MORN1: variants seen among roughly 807,000 people sequenced by gnomAD.
MORN1 encodes the protein MORN repeat containing 1.
Under a neutral mutation model 61.9 loss-of-function variants are expected in MORN1, and 67 were observed. The observed-to-expected ratio is 1.08, with a 90% CI of 0.89 to 1.33. The LOEUF is 1.33. Ranked by LOEUF, MORN1 falls within the 40% of genes most tolerant of loss-of-function variation. The pLI is 0.00. For synonymous variants in MORN1, 301 were observed against 292.0 expected (o/e 1.03, Z -0.31); for missense variants, 752 against 691.2 (o/e 1.09, Z -0.99).
At position 2,324,108 on chromosome 1, in the gene MORN1, G is replaced by A. The variant is rs757464375; in HGVS notation, c.1286C>T (p.Ala429Val). Residue 429 changes from alanine (A) to valine (V), a missense_variant, in exon 13 of 14, where the codon GCA (alanine) becomes GTA (valine). By Grantham distance (64) the Ala-to-Val change is moderately conservative. Transcript: ENST00000378531. Reference protein sequence around the residue: ...EGRATEEQAAAAHLGEYVLMI... With the variant: ...EGRATEEQAAVAHLGEYVLMI... ...CCCTGTCCACCTACCTAGGTGTGCT[G>A]CCGCAGCCTGCTCCTCCGTGGCTCT... 8 of 1,600,178 alleles carry A rather than the reference G, an allele frequency of 5.0e-6. No homozygotes were observed. The highest frequency in any genetic ancestry group is 6.8e-6 in the Non-Finnish European group (8 of 1,174,934).
chr1:2,382,064 G>A (rs1368336542), intron 6 of MORN1, among the ~76,000 whole-genome samples: 4 of 152,182 alleles, frequency 2.6e-5, no homozygotes, highest in Non-Finnish European at 4.4e-5. Flanking sequence ...AGTAGCCAGG[G>A]GACCTGTGGG....
chr1:2,322,249 C>T, intron 13 of MORN1: 2 of 985,438 alleles, frequency 2.0e-6, no homozygotes, highest in Non-Finnish European at 2.4e-6. Context: ...AGTGAGGTTG[C>T]CATAGAAACC....
rs1642665459 is a variant in MORN1 at position 2,391,521 on chromosome 1, C to T, written c.13G>A (p.Gly5Ser). Reference sequence around the variant, plus strand: ...CCGCGGGAGCTCGGGGTGCCCTCGCCCGCCGCTGCCATCTTGCCGCCGAGG... The same window carrying T: ...CCGCGGGAGCTCGGGGTGCCCTCGCTCGCCGCTGCCATCTTGCCGCCGAGG... MAAA[G>S]EGTPSSRGPR... The change falls in exon 1 of 14, where the codon GGC (glycine) becomes AGC (serine). Residue 5 changes from glycine (G) to serine (S), a missense_variant. Coordinates refer to ENST00000378531, the MANE Select transcript of MORN1 (RefSeq NM_024848.3). 3 of 1,251,838 alleles carry T rather than the reference C, an allele frequency of 2.4e-6. No homozygotes were observed. Among genetic ancestry groups the T allele is most frequent in the South Asian group, 3.5e-5 (1 of 28,820 alleles). The allele number at this position is 1,251,838 out of a possible 1,614,324, so 77.5% of individuals were successfully genotyped here. A position where few individuals can be genotyped will look rare whatever the true frequency, so the allele number is the denominator to read the frequency against.
At chr1:2,348,109 G>C (rs984970338) in intron 10 of MORN1, among the ~76,000 whole-genome samples, 2 of 152,234 alleles carry the variant, frequency 1.3e-5, no homozygotes, top group African/African-American at 4.8e-5. Flanking sequence ...AGCTCTCATT[G>C]TGTCTTCAGT....
At chr1:2,364,412 G>GGTGT (rs1641958819) in intron 8 of MORN1, among the ~76,000 whole-genome samples, 1 of 138,360 alleles carries the variant, frequency 7.2e-6, no homozygotes. Context: ...TTTTGATGGG[G>GGTGT]TTGTTTTTTT....
chr1:2,390,210 G>A (rs1445006271), intron 1 of MORN1, among the ~76,000 whole-genome samples: 3 of 152,212 alleles, frequency 2.0e-5, no homozygotes, highest in African/African-American at 2.4e-5. Context: ...CAAGGATGAG[G>A]ACCTACTTGG....
chr1:2,369,281 G>A (rs1642063909), intron 8 of MORN1, among the ~76,000 whole-genome samples: 1 of 150,214 alleles, frequency 6.7e-6, no homozygotes, highest in Non-Finnish European at 1.5e-5. Flanking sequence ...GTGAACCCAG[G>A]AGGTGGAGCT....
At chr1:2,361,283 G>T (rs752317085) in intron 8 of MORN1, among the ~76,000 whole-genome samples, 2 of 151,794 alleles carry the variant, frequency 1.3e-5, no homozygotes, top group East Asian at 3.9e-4. Context: ...AGAGCCGGGC[G>T]CAGTGACTCA....
chr1:2,378,722 C>T (rs1339918015), intron 6 of MORN1: 3 of 359,264 alleles, frequency 8.4e-6, no homozygotes, highest in Admixed American at 7.5e-5. Context: ...ACTCTGTCTG[C>T]TCCGTCTCCC....
intron 6 of MORN1, among the ~76,000 whole-genome samples, chr1:2,380,536 T>A (rs1642348504): frequency 6.6e-6 from 1 of 151,918 alleles, no homozygotes; most frequent in South Asian, 2.1e-4. Context: ...GACAAAATGG[T>A]TAGTGTTTTG....
At chr1:2,336,398 T>C in intron 12 of MORN1, 71 bp downstream of exon 12, 1 of 1,501,750 alleles carries the variant, frequency 6.7e-7, no homozygotes, top group African/African-American at 1.4e-5. Context: ...TTCCCCGTCC[T>C]CCTGGCCCAG....
chr1:2,324,263 G>T, intron 12 of MORN1, 120 bp from the exon 13 acceptor site: 4 of 1,062,072 alleles, frequency 3.8e-6, no homozygotes, highest in Admixed American at 2.3e-5. Context: ...GCACAGCAGA[G>T]GCCTGCGAAC....
At chr1:2,374,937 G>T in intron 6 of MORN1, 1 of 191,768 alleles carries the variant, frequency 5.2e-6, no homozygotes, top group Non-Finnish European at 1.1e-5. Flanking sequence ...CCCGCAAACT[G>T]GCCGACTGTG....
rs915940154 is a variant in MORN1, at chr1:2,337,366, T to C, written c.1037-516A>G. Among the ~76,000 whole-genome samples the C allele has an allele frequency of 2.6e-5, 4 of 151,816 alleles. No individual in the cohort carries two copies. Among genetic ancestry groups the C allele is most frequent in the African/African-American group, 9.7e-5 (4 of 41,262 alleles). Reference sequence around the variant, plus strand: ...GGGAGACACCGAGGGTGGCTGCGAGTCCCTCCACGTGGCGGCAGACCCCAG... The same window carrying C: ...GGGAGACACCGAGGGTGGCTGCGAGCCCCTCCACGTGGCGGCAGACCCCAG... On this transcript the variant is annotated intron_variant, in intron 10 of 13. Coordinates refer to ENST00000378531, the MANE Select transcript of MORN1 (RefSeq NM_024848.3). This position sits in a 1 kb window ranked among gnomAD's most constrained non-coding sequence, Gnocchi z 5.7.
intron 10 of MORN1, among the ~76,000 whole-genome samples, chr1:2,340,237 G>A (rs1641366894): frequency 6.6e-6 from 1 of 152,048 alleles, no homozygotes; most frequent in African/African-American, 2.4e-5. Context: ...GCTTCCCATG[G>A]ACACAAGCAC....
At chr1:2,355,864 G>A (rs1378199484) in intron 10 of MORN1, among the ~76,000 whole-genome samples, 1 of 152,232 alleles carries the variant, frequency 6.6e-6, no homozygotes, top group Non-Finnish European at 1.5e-5. Context: ...CCGGGCTGGG[G>A]TCTGCGGCAC....
intron 4 of MORN1, 40 bp downstream of exon 4, chr1:2,387,379 C>T (rs571685701): frequency 3.5e-5 from 51 of 1,457,554 alleles, no homozygotes; most frequent in African/African-American, 5.6e-5. Context: ...GTCCTGAAAG[C>T]GCCCACCCTC....
At chr1:2,338,168 GA>G (rs1460359330) in intron 10 of MORN1, among the ~76,000 whole-genome samples, 1 of 152,214 alleles carries the variant, frequency 6.6e-6, no homozygotes, top group Non-Finnish European at 1.5e-5. Flanking sequence ...CTTCTGTAGG[GA>G]GCGACAGAGA....
At chr1:2,356,971 G>A (rs894657806) in intron 10 of MORN1, among the ~76,000 whole-genome samples, 4 of 152,186 alleles carry the variant, frequency 2.6e-5, no homozygotes, top group African/African-American at 9.7e-5. Flanking sequence ...AGAAACGTGA[G>A]GCAACCCGTG....
Sources: gnomAD v4.1 joint callset for allele counts (sites outside exome capture counted in the v4.1 genomes callset) on GRCh38, gnomAD v4.1.1 for gene constraint, Gnocchi (gnomAD v3.1) non-coding constraint, MANE v1.5 for transcripts, NCBI Gene and HGNC (gene_info 2026-07-23, HGNC 2026-07-21) for gene names.